The following PNPLA3 variants were observed in gnomAD, a reference collection of about 807,000 sequenced individuals.
PNPLA3 encodes the protein 1-acylglycerol-3-phosphate O-acyltransferase PNPLA3.
A neutral mutation model predicts 43.1 loss-of-function variants in PNPLA3; 42 were observed. The observed-to-expected ratio is 0.97, with a 90% CI of 0.76 to 1.26. The LOEUF is 1.26. Among genes scored for constraint, PNPLA3 ranks in the 50% most tolerant of loss-of-function variants. The pLI is 0.00. For missense variants in PNPLA3, 647 were observed against 621.4 expected (o/e 1.04, Z -0.44); for synonymous variants, 272 against 253.6 (o/e 1.07, Z -0.69).
intron 1 of PNPLA3, chr22:43,924,424 G>C (rs955345428): frequency 3.1e-6 from 1 of 326,492 alleles, no homozygotes; most frequent in Non-Finnish European, 5.6e-6. Context: ...TCGGAGCGAC[G>C]GGGAGTAGGG....
At chr22:43,941,022 C>A (rs1301899117) in intron 7 of PNPLA3, among the ~76,000 whole-genome samples, 1 of 151,372 alleles carries the variant, frequency 6.6e-6, no homozygotes, top group Non-Finnish European at 1.5e-5. Flanking sequence ...GCCTGTAATC[C>A]CAGCTACTCC....
chr22:43,942,844 A>G (rs1298095210), intron 7 of PNPLA3, among the ~76,000 whole-genome samples: 5 of 151,792 alleles, frequency 3.3e-5, no homozygotes, highest in Non-Finnish European at 7.4e-5. Context: ...CTGGGACTGC[A>G]AGCACACATC....
chr22:43,923,838 G>A lies in PNPLA3; in HGVS notation c.-74G>A, dbSNP rs992903127. 2.2e-6 allele frequency: 3 copies of A among 1,368,018 alleles called. No homozygotes were observed. The highest frequency in any genetic ancestry group is 1.6e-5 in the South Asian group (1 of 62,662). 84.7% of individuals were successfully genotyped at this position (1,368,018 alleles called of 1,614,324 possible). A position where few individuals can be genotyped will look rare whatever the true frequency, so the allele number is the denominator to read the frequency against. Reference sequence around the variant, plus strand: ...CTTGCGGGCGCCGGGCGGAGCTGCTGCGGATCAGGACCCGAGCCGATTCCC... The same window carrying A: ...CTTGCGGGCGCCGGGCGGAGCTGCTACGGATCAGGACCCGAGCCGATTCCC... On this transcript the variant is annotated 5_prime_UTR_variant, in exon 1 of 9. Transcript: ENST00000216180.
intron 1 of PNPLA3, among the ~76,000 whole-genome samples, chr22:43,926,309 G>T (rs915101497): frequency 6.6e-6 from 1 of 152,154 alleles, no homozygotes; most frequent in Admixed American, 6.5e-5. Flanking sequence ...CTGGCCAGGG[G>T]TTGGGCTGGG....
intron 6 of PNPLA3, among the ~76,000 whole-genome samples, chr22:43,938,757 T>A (rs1375373506): frequency 6.6e-6 from 1 of 152,106 alleles, no homozygotes; most frequent in Non-Finnish European, 1.5e-5. Flanking sequence ...ATTAATACGA[T>A]TTGAGGCATC....
Position 43,946,196 on chromosome 22 carries a change from A to G in PNPLA3, c.1260A>G (p.Thr420=). The G allele has an allele frequency of 1.2e-6, 2 of 1,614,134 alleles. No individual in the cohort carries two copies. Among genetic ancestry groups the G allele is most frequent in the Non-Finnish European group, 1.7e-6 (2 of 1,180,020 alleles). The part of the protein sequence containing the change: ...PVSSQQASPC[T]PEQDWPCWTP... ...GCAGCCAACAGGCCTCCCCATGCAC[A>G]CCTGAGCAGGACTGGCCCTGCTGGA... is the stretch of plus-strand genomic sequence containing the variant. Residue 420 remains threonine (T), a synonymous_variant, in exon 9 of 9, where the codon ACA becomes ACG. Transcript: ENST00000216180.
intron 5 of PNPLA3, among the ~76,000 whole-genome samples, chr22:43,935,660 G>A (rs1219907079): frequency 6.6e-6 from 1 of 152,050 alleles, no homozygotes; most frequent in Non-Finnish European, 1.5e-5. Context: ...CTGTGCAACT[G>A]GAGGGGTGGG....
Position 43,937,038 on chromosome 22 carries a change from G to T in PNPLA3, c.758-13G>T, listed in dbSNP as rs369889476. ...CGTTCGCCTGATGGGCTTGTTTTCC[G>T]TGCCCTTCACAGGCATCTGCAACAG... On this transcript the variant is annotated splice_polypyrimidine_tract_variant and intron_variant, in intron 5 of 8. Coordinates refer to ENST00000216180, the MANE Select transcript of PNPLA3 (RefSeq NM_025225.3). 6 of 1,607,428 alleles carry T rather than the reference G, an allele frequency of 3.7e-6. No homozygotes were observed. The highest frequency in any genetic ancestry group is 2.2e-5 in the South Asian group (2 of 90,950).
intron 8 of PNPLA3, among the ~76,000 whole-genome samples, chr22:43,945,407 A>T (rs2050056744): frequency 6.6e-6 from 1 of 152,078 alleles, no homozygotes; most frequent in Non-Finnish European, 1.5e-5. Flanking sequence ...GGCTCCCATT[A>T]CCAGGGTTGG....
rs1390022620 is a variant in PNPLA3 at position 43,946,278 on chromosome 22, T to G, written c.1342T>G (p.Ser448Ala). ...AETKAEATPR[S>A]ILRSSLNFFL... is the part of the protein sequence containing the mutation. ...GACCAAAGCAGAGGCCACCCCGCGG[T>G]CCATCCTCAGGTCCAGCCTGAACTT... Residue 448 changes from serine (S) to alanine (A), a missense_variant, in exon 9 of 9, where the codon TCC (serine) becomes GCC (alanine). Physicochemically the swap from Ser to Ala is moderately conservative, Grantham distance 99 (BLOSUM62 1). Coordinates refer to ENST00000216180, the MANE Select transcript of PNPLA3 (RefSeq NM_025225.3). The G allele has an allele frequency of 1.2e-6, 2 of 1,614,048 alleles. No homozygotes were observed. The highest frequency in any genetic ancestry group is 1.7e-6 in the Non-Finnish European group (2 of 1,180,042).
chr22:43,942,704 T>TTTC (rs375401259), intron 7 of PNPLA3, among the ~76,000 whole-genome samples: 20 of 143,156 alleles, frequency 1.4e-4, no homozygotes, highest in East Asian at 6.2e-4. Context: ...CTTTTTTCTT[T>TTTC]TTTTTTTTTT....
At position 43,946,559 on chromosome 22, in the gene PNPLA3, G is replaced by A; in HGVS notation, c.*177G>A. ...GAAGCAACCTTTCGCCTGTGCAGCG[G>A]TCCAGCACTTAACTCTAATACATCA... On this transcript the variant is annotated 3_prime_UTR_variant, in exon 9 of 9. Coordinates refer to ENST00000216180, the MANE Select transcript of PNPLA3 (RefSeq NM_025225.3). The A allele has an allele frequency of 1.4e-6, 1 of 721,508 alleles. No homozygotes were observed. The allele number at this position is 721,508 out of a possible 1,614,324, so 44.7% of individuals were successfully genotyped here.
Position 43,927,031 on chromosome 22 carries a change from G to T in PNPLA3, c.284G>T (p.Arg95Leu). ...TCCTTCAACTTAAGCAAGTTCCTCC[G>T]ACAGGGTCTCTGCAAATGCCTCCCG... ...HPSFNLSKFL[R>L]QGLCKCLPAN... The change falls in exon 2 of 9, where the codon CGA (arginine) becomes CTA (leucine). Residue 95 changes from arginine to leucine, a missense_variant. By Grantham distance (102) the Arg-to-Leu change is moderately radical (BLOSUM62 -2). Transcript: ENST00000216180. 1 of 1,614,194 alleles carries T rather than the reference G, an allele frequency of 6.2e-7. No homozygotes were observed. Among genetic ancestry groups the T allele is most frequent in the South Asian group, 1.1e-5 (1 of 91,064 alleles).
chr22:43,923,897 CCCG>C lies in PNPLA3; in HGVS notation c.-3_-1del, dbSNP rs758239071. ...CCCAGATCCTAACCCGCGCCCCCGC[CCCG>C]CCGCCGCCGCCATGTACGACGCAGA... On this transcript the variant is annotated 5_prime_UTR_variant, in exon 1 of 9. Coordinates refer to ENST00000216180, the MANE Select transcript of PNPLA3 (RefSeq NM_025225.3). 3.9e-4 allele frequency: 588 copies of C among 1,498,640 alleles called. 3 individuals are homozygous for C. In the African/African-American group the frequency reaches 5.5e-3, roughly 14 times the overall value. The allele number at this position is 1,498,640 out of a possible 1,614,324, so 92.8% of individuals were successfully genotyped here. A position where few individuals can be genotyped will look rare whatever the true frequency, so the allele number is the denominator to read the frequency against.
At chr22:43,939,394 T>G (rs890238769) in intron 6 of PNPLA3, 1 of 982,528 alleles carries the variant, frequency 1.0e-6, no homozygotes, top group African/African-American at 1.7e-5. Context: ...CTTTCTGGAA[T>G]GGCGACTTCC....
At position 43,947,030 on chromosome 22, in the gene PNPLA3, T is replaced by G; in HGVS notation, c.*648T>G. 1 of 252,140 alleles carries G rather than the reference T, an allele frequency of 4.0e-6. No homozygotes were observed. Among genetic ancestry groups the G allele is most frequent in the Non-Finnish European group, 7.7e-6 (1 of 129,120 alleles). 15.6% of individuals were successfully genotyped at this position (252,140 alleles called of 1,614,324 possible). A position where few individuals can be genotyped will look rare whatever the true frequency, so the allele number is the denominator to read the frequency against. On this transcript the variant is annotated 3_prime_UTR_variant, in exon 9 of 9. Coordinates refer to ENST00000216180, the MANE Select transcript of PNPLA3 (RefSeq NM_025225.3). ...GTTACCTGTTGAATTTTGTATTATG[T>G]GAATCAGTGAGATGTTAGTAGAATA...
chr22:43,942,376 T>C (rs2050036439), intron 7 of PNPLA3, among the ~76,000 whole-genome samples: 1 of 152,212 alleles, frequency 6.6e-6, no homozygotes, highest in African/African-American at 2.4e-5. Flanking sequence ...GGAAACGTGC[T>C]TTTTTTCTAT....
chr22:43,926,286 C>G (rs2049921528), intron 1 of PNPLA3, among the ~76,000 whole-genome samples: 1 of 152,162 alleles, frequency 6.6e-6, no homozygotes, highest in South Asian at 2.1e-4. Context: ...CCTGTGCATC[C>G]CAAGATTTAT....
At chr22:43,929,780 A>G (rs541504910) in intron 3 of PNPLA3, among the ~76,000 whole-genome samples, 1 of 151,842 alleles carries the variant, frequency 6.6e-6, no homozygotes, top group Non-Finnish European at 1.5e-5. Context: ...TATTTTTAGT[A>G]GAGACAGGGT....
Sources: gnomAD v4.1 joint callset for allele counts (sites outside exome capture counted in the v4.1 genomes callset) on GRCh38, gnomAD v4.1.1 for gene constraint, MANE v1.5 for transcripts, NCBI Gene and HGNC (gene_info 2026-07-23, HGNC 2026-07-21) for gene names.